Variants in LARGE1 observed in about 807,000 individuals in gnomAD.
The protein encoded by LARGE1 is xylosyl- and glucuronyltransferase LARGE1.
LARGE1 carries 43 observed loss-of-function variants against 87.6 expected under a neutral mutation model. The ratio of observed to expected loss-of-function variants is 0.49; its 90% CI spans 0.38 to 0.63. LARGE1 has a LOEUF of 0.63. Among genes scored for constraint, LARGE1 ranks in the 30% least tolerant of loss-of-function variants. The pLI, the probability that LARGE1 is intolerant of heterozygous loss-of-function variation, is 0.00. For synonymous variants in LARGE1, 434 were observed against 394.6 expected (o/e 1.10, Z -1.18); for missense variants, 802 against 1,000.2 (o/e 0.80, Z 2.67).
At chr22:33,171,902 G>A (rs1922594407) in intron 11 of LARGE1, among the ~76,000 whole-genome samples, 1 of 152,132 alleles carries the variant, frequency 6.6e-6, no homozygotes, top group African/African-American at 2.4e-5. Context: ...CCCCAGAAAG[G>A]TAGATCCACT....
chr22:33,459,864 A>C (rs1003017700), intron 6 of LARGE1, among the ~76,000 whole-genome samples: 10 of 152,086 alleles, frequency 6.6e-5, no homozygotes. Context: ...CATACCCCCA[A>C]TAGCACCCAA....
intron 11 of LARGE1, among the ~76,000 whole-genome samples, chr22:33,178,514 A>G (rs909041042): frequency 6.6e-6 from 1 of 152,240 alleles, no homozygotes; most frequent in East Asian, 1.9e-4. Flanking sequence ...AGAGCTGATG[A>G]GTGGGGACAG....
intron 11 of LARGE1, among the ~76,000 whole-genome samples, chr22:33,308,836 C>T (rs951599122): frequency 2.6e-5 from 4 of 152,126 alleles, no homozygotes; most frequent in African/African-American, 9.7e-5. Flanking sequence ...AGACTCAGGG[C>T]AGTTTGTGAA....
intron 3 of LARGE1, among the ~76,000 whole-genome samples, chr22:33,647,192 A>G (rs1166243964): frequency 1.3e-5 from 2 of 152,146 alleles, no homozygotes; most frequent in Non-Finnish European, 2.9e-5. Context: ...CTAACACACA[A>G]CCAAGTTTGA....
intron 6 of LARGE1, among the ~76,000 whole-genome samples, chr22:33,549,623 C>A (rs140414072): frequency 6.6e-6 from 1 of 152,264 alleles, no homozygotes; most frequent in East Asian, 1.9e-4. Flanking sequence ...TGAAAATTCA[C>A]AGTTCATGCA....
At chr22:33,225,868 A>G (rs1390391988) in intron 11 of LARGE1, among the ~76,000 whole-genome samples, 1 of 152,184 alleles carries the variant, frequency 6.6e-6, no homozygotes, top group Non-Finnish European at 1.5e-5. Flanking sequence ...AGCTCCATCT[A>G]TGTTCCTGCA....
intron 11 of LARGE1, among the ~76,000 whole-genome samples, chr22:33,178,342 A>C (rs1005589113): frequency 7.2e-5 from 11 of 152,096 alleles, no homozygotes; most frequent in African/African-American, 2.2e-4. Flanking sequence ...TGATCTGAAC[A>C]CTGGAGTCTT....
At chr22:33,167,994 C>A (rs1489886651) in intron 11 of LARGE1, among the ~76,000 whole-genome samples, 4 of 152,306 alleles carry the variant, frequency 2.6e-5, no homozygotes, top group African/African-American at 9.6e-5. Context: ...GCCCCTCTCA[C>A]AACCTGGGTC....
At chr22:33,177,267 C>T (rs1922926238) in intron 11 of LARGE1, among the ~76,000 whole-genome samples, 1 of 152,086 alleles carries the variant, frequency 6.6e-6, no homozygotes, top group Admixed American at 6.6e-5. Flanking sequence ...AACAAACCTG[C>T]ACGTTCTGCA....
intron 11 of LARGE1, among the ~76,000 whole-genome samples, chr22:33,176,612 A>G (rs1319368063): frequency 6.6e-6 from 1 of 152,178 alleles, no homozygotes; most frequent in East Asian, 1.9e-4. Flanking sequence ...ATGAGATACC[A>G]CCTCACTCCA....
At chr22:33,462,261 A>G (rs979290571) in intron 6 of LARGE1, among the ~76,000 whole-genome samples, 2 of 152,212 alleles carry the variant, frequency 1.3e-5, no homozygotes, top group Admixed American at 1.3e-4. Context: ...AGAGAAAATA[A>G]GTGTCAACCA....
chr22:33,860,038 T>C (rs114082888), intron 1 of LARGE1, among the ~76,000 whole-genome samples: 1,821 of 152,270 alleles, frequency 0.012, 35 homozygotes, highest in African/African-American at 0.041. Flanking sequence ...GTTCTGGAGA[T>C]TGGCTGCACG....
chr22:33,887,064 C>A (rs540770667), intron 1 of LARGE1, among the ~76,000 whole-genome samples: 1 of 152,086 alleles, frequency 6.6e-6, no homozygotes, highest in East Asian at 1.9e-4. Context: ...CAGGGGTTAT[C>A]GAGGCCAGGG....
chr22:33,915,443 T>C (rs1490900232), intron 1 of LARGE1, among the ~76,000 whole-genome samples: 2 of 152,090 alleles, frequency 1.3e-5, no homozygotes, highest in African/African-American at 4.8e-5. Flanking sequence ...TTTTTTTTCA[T>C]ATTATATCAT....
chr22:33,421,230 CAAT>C (rs2066685357), intron 7 of LARGE1, among the ~76,000 whole-genome samples: 1 of 151,940 alleles, frequency 6.6e-6, no homozygotes, highest in Non-Finnish European at 1.5e-5. Context: ...ATCAATCAAT[CAAT>C]CAATCAATCA....
chr22:33,370,597 G>A (rs1467747514), intron 9 of LARGE1, among the ~76,000 whole-genome samples: 1 of 151,956 alleles, frequency 6.6e-6, no homozygotes, highest in East Asian at 1.9e-4. Flanking sequence ...ACTATCTCAT[G>A]GCTAAAATTC....
the LARGE1 span, among the ~76,000 whole-genome samples, chr22:33,112,326 T>C: frequency 1.3e-5 from 2 of 152,204 alleles, no homozygotes; most frequent in Admixed American, 1.3e-4. Flanking sequence ...CTGAGTTAAG[T>C]CTCACATTTT....
intron 9 of LARGE1, among the ~76,000 whole-genome samples, chr22:33,355,006 G>T (rs1340174681): frequency 2.0e-5 from 3 of 152,142 alleles, no homozygotes; most frequent in Non-Finnish European, 4.4e-5. Context: ...ATAATAAAAT[G>T]AAACTTTTCT....
chr22:33,837,257 T>TACACACACACAC (rs3072340), intron 1 of LARGE1, among the ~76,000 whole-genome samples: 18 of 149,756 alleles, frequency 1.2e-4, no homozygotes, highest in African/African-American at 4.4e-4. Flanking sequence ...GTATTACATA[T>TACACACACACAC]ACACACACAC....
Sources: gnomAD v4.1 joint callset for allele counts (sites outside exome capture counted in the v4.1 genomes callset) on GRCh38, gnomAD v4.1.1 for gene constraint, MANE v1.5 for transcripts, NCBI Gene and HGNC (gene_info 2026-07-23, HGNC 2026-07-21) for gene names.